The following ATP8A1 variants were observed in gnomAD, a reference collection of about 807,000 sequenced individuals.
The protein encoded by ATP8A1 is phospholipid-transporting ATPase IA.
ATP8A1 carries 90 observed loss-of-function variants against 177.7 expected under a neutral mutation model. That is an observed-to-expected ratio of 0.51 (90% CI 0.43 to 0.60). The LOEUF (loss-of-function observed/expected upper bound fraction) is 0.60, where lower values mean the gene tolerates loss of function less well. ATP8A1 is among the 20% of genes least tolerant of loss of function. The pLI is 0.00. For synonymous variants in ATP8A1, 493 were observed against 485.9 expected, an observed-to-expected ratio of 1.01 and a Z score of -0.19; for missense variants, 1,072 against 1,392.8, an observed-to-expected ratio of 0.77 and a Z score of 3.67.
intron 1 of ATP8A1, among the ~76,000 whole-genome samples, chr4:42,642,511 A>T (rs189740310): frequency 1.1e-4 from 16 of 152,320 alleles, no homozygotes; most frequent in African/African-American, 3.8e-4. Flanking sequence ...TAAACAGATT[A>T]AGATAGGATG....
chr4:42,632,793 C>A (rs1738884189), intron 1 of ATP8A1, among the ~76,000 whole-genome samples: 2 of 152,174 alleles, frequency 1.3e-5, no homozygotes, highest in Admixed American at 1.3e-4. Flanking sequence ...GAGGTGAGCT[C>A]AAGTTCTTCT....
At chr4:42,492,065 A>C (rs1722793156) in intron 24 of ATP8A1, among the ~76,000 whole-genome samples, 1 of 152,182 alleles carries the variant, frequency 6.6e-6, no homozygotes, top group Non-Finnish European at 1.5e-5. Context: ...GGCTTCAGTA[A>C]ATAACATGTG....
At chr4:42,500,896 A>G (rs1723791912) in intron 24 of ATP8A1, among the ~76,000 whole-genome samples, 1 of 152,220 alleles carries the variant, frequency 6.6e-6, no homozygotes, top group African/African-American at 2.4e-5. Context: ...GAAACTCAAA[A>G]AGAAAAAATT....
chr4:42,619,013 C>T (rs28496928), intron 4 of ATP8A1, among the ~76,000 whole-genome samples: 34,284 of 151,956 alleles, frequency 0.23, 4,345 homozygotes, highest in Non-Finnish European at 0.29. Context: ...AAGGACTTCA[C>T]GTCCATCATT....
At chr4:42,552,634 T>G (rs779850826) in intron 16 of ATP8A1, 24 bp from the exon 17 acceptor site, 8 of 1,535,290 alleles carry the variant, frequency 5.2e-6, no homozygotes, top group Non-Finnish European at 7.2e-6. Context: ...ACACATAATT[T>G]AAGCCCTTCT....
intron 30 of ATP8A1, among the ~76,000 whole-genome samples, chr4:42,450,766 C>T (rs1036923623): frequency 1.3e-5 from 2 of 152,208 alleles, no homozygotes; most frequent in African/African-American, 4.8e-5. Flanking sequence ...CTACAAGCTA[C>T]GCACTGTTCT....
intron 1 of ATP8A1, among the ~76,000 whole-genome samples, chr4:42,653,693 T>C (rs560953556): frequency 7.9e-4 from 121 of 152,354 alleles, no homozygotes; most frequent in African/African-American, 2.5e-3. Context: ...TATTATATAT[T>C]GGAGTTAGGC....
chr4:42,642,462 T>TA (rs1740096897), intron 1 of ATP8A1, among the ~76,000 whole-genome samples: 1 of 152,190 alleles, frequency 6.6e-6, no homozygotes, highest in African/African-American at 2.4e-5. Context: ...TCCTTCAGTT[T>TA]GTCAGGATGT....
intron 25 of ATP8A1, among the ~76,000 whole-genome samples, chr4:42,473,708 C>T (rs961870260): frequency 7.9e-5 from 12 of 152,024 alleles, no homozygotes; most frequent in Non-Finnish European, 1.5e-4. Flanking sequence ...TGCAGTGGCA[C>T]AATCTTGGCT....
chr4:42,655,609 A>T (rs868805762), intron 1 of ATP8A1, among the ~76,000 whole-genome samples: 2 of 152,324 alleles, frequency 1.3e-5, no homozygotes, highest in Non-Finnish European at 2.9e-5. Context: ...TTTTTTGGGT[A>T]TTACAAATGA....
intron 1 of ATP8A1, among the ~76,000 whole-genome samples, chr4:42,632,784 A>G (rs763285896): frequency 9.9e-5 from 15 of 152,188 alleles, no homozygotes; most frequent in Non-Finnish European, 2.1e-4. Flanking sequence ...AGGGGCTGTG[A>G]GGTGAGCTCA....
chr4:42,542,213 T>C (rs1017676438), intron 20 of ATP8A1, among the ~76,000 whole-genome samples: 1 of 152,154 alleles, frequency 6.6e-6, no homozygotes, highest in Admixed American at 6.6e-5. Flanking sequence ...TGAAATATAT[T>C]AAATTTTTTT....
intron 1 of ATP8A1, among the ~76,000 whole-genome samples, chr4:42,646,738 T>C (rs1378574878): frequency 6.6e-6 from 1 of 152,194 alleles, no homozygotes; most frequent in Admixed American, 6.5e-5. Flanking sequence ...TCTGATATTA[T>C]TAAGCACAGC....
chr4:42,548,582 A>T (rs558247515), intron 19 of ATP8A1, among the ~76,000 whole-genome samples: 1 of 152,266 alleles, frequency 6.6e-6, no homozygotes, highest in Admixed American at 6.5e-5. Context: ...AGTATTTTGA[A>T]ATACACAACA....
At chr4:42,544,154 A>G (rs554151349) in intron 19 of ATP8A1, among the ~76,000 whole-genome samples, 168 bp from the exon 20 acceptor site, 1 of 152,150 alleles carries the variant, frequency 6.6e-6, no homozygotes, top group East Asian at 1.9e-4. Context: ...ACAGCTGGGC[A>G]CCTGTAAAAG....
intron 13 of ATP8A1, among the ~76,000 whole-genome samples, chr4:42,575,058 TG>T (rs1403368029): frequency 6.6e-6 from 1 of 152,220 alleles, no homozygotes; most frequent in Non-Finnish European, 1.5e-5. Context: ...TTGTAGAATT[TG>T]TAACAGCTTG....
At chr4:42,425,960 T>G (rs548437705) in intron 33 of ATP8A1, among the ~76,000 whole-genome samples, 1 of 152,346 alleles carries the variant, frequency 6.6e-6, no homozygotes, top group South Asian at 2.1e-4. Flanking sequence ...AGGCCGTGTG[T>G]GGCGAACAAG....
At chr4:42,624,440 C>T in intron 4 of ATP8A1, 96 bp downstream of exon 4, 1 of 619,492 alleles carries the variant, frequency 1.6e-6, no homozygotes, top group East Asian at 3.4e-5. Context: ...TTTAAACAGC[C>T]CACGCCAAGA....
At chr4:42,542,072 G>C (rs1399880345) in intron 20 of ATP8A1, among the ~76,000 whole-genome samples, 1 of 135,594 alleles carries the variant, frequency 7.4e-6, no homozygotes, top group African/African-American at 2.8e-5. Context: ...TGTTACAAAT[G>C]TACCACTCTG....
Sources: allele counts gnomAD v4.1 joint callset (sites outside exome capture counted in the v4.1 genomes callset), GRCh38; gene constraint gnomAD v4.1.1; transcripts MANE v1.5; gene names NCBI Gene and HGNC (gene_info 2026-07-23, HGNC 2026-07-21).